Variants in TENM4 observed in about 807,000 individuals in gnomAD.
TENM4 encodes the protein teneurin-4.
Under a neutral mutation model 243.3 loss-of-function variants are expected in TENM4, and 82 were observed. The observed-to-expected ratio is 0.34, with a 90% CI of 0.28 to 0.40. The LOEUF (loss-of-function observed/expected upper bound fraction) is 0.40. Among genes scored for constraint, TENM4 ranks in the 10% least tolerant of loss-of-function variants. TENM4 has a pLI of 1.00. For missense variants in TENM4, 3,138 were observed against 3,673.3 expected (o/e 0.85, Z 3.77); for synonymous variants, 1,412 against 1,456.3 (o/e 0.97, Z 0.69).
intron 6 of TENM4, among the ~76,000 whole-genome samples, chr11:78,995,033 G>C (rs1407408501): frequency 1.3e-5 from 2 of 152,210 alleles, no homozygotes; most frequent in African/African-American, 4.8e-5. Flanking sequence ...TAGTGAGTGA[G>C]GTGACAAAGT....
chr11:78,664,531 A>T (rs1352084848), intron 32 of TENM4, among the ~76,000 whole-genome samples: 1 of 152,134 alleles, frequency 6.6e-6, no homozygotes, highest in East Asian at 1.9e-4. Context: ...GGCAGATTTA[A>T]TGTGTTTTGA....
rs575922225 is a variant in TENM4 at position 79,388,564 on chromosome 11, C to T, written c.-321+51945G>A. Among the ~76,000 whole-genome samples the T allele has an allele frequency of 1.3e-4, 20 of 152,240 alleles. No individual in the cohort carries two copies. The South Asian group carries it at 3.3e-3, about 25-fold the overall frequency. On this transcript the variant is annotated intron_variant, in intron 1 of 33. Coordinates refer to ENST00000278550, the MANE Select transcript of TENM4 (RefSeq NM_001098816.3). The stretch of plus-strand genomic sequence containing the variant: ...CCCCACTAGATCTGGCTCCTTTGGG[C>T]GTAAGAGTGGGGCCTCGTGCACACA...
At chr11:79,114,516 T>C (rs1565209470) in intron 4 of TENM4, among the ~76,000 whole-genome samples, 2 of 152,196 alleles carry the variant, frequency 1.3e-5, no homozygotes, top group South Asian at 4.1e-4. Context: ...TGACAAAATA[T>C]AAATCTGGAG....
intron 1 of TENM4, among the ~76,000 whole-genome samples, chr11:79,347,380 A>G (rs1191556162): frequency 6.6e-6 from 1 of 152,150 alleles, no homozygotes; most frequent in East Asian, 1.9e-4. Flanking sequence ...AGGAACTCCT[A>G]ATAGGCCATG....
intron 23 of TENM4, among the ~76,000 whole-genome samples, chr11:78,724,377 C>T (rs1012056498): frequency 6.6e-6 from 1 of 152,238 alleles, no homozygotes; most frequent in Non-Finnish European, 1.5e-5. Context: ...TAGGCATGAG[C>T]CACGGTGCCT....
intron 3 of TENM4, among the ~76,000 whole-genome samples, chr11:79,205,480 C>T (rs1208293313): frequency 6.6e-6 from 1 of 152,234 alleles, no homozygotes; most frequent in Non-Finnish European, 1.5e-5. Context: ...GCATCCCTTC[C>T]ACCCCCAGCC....
chr11:79,048,921 C>G (rs1444031688), intron 6 of TENM4, among the ~76,000 whole-genome samples: 1 of 152,164 alleles, frequency 6.6e-6, no homozygotes, highest in Non-Finnish European at 1.5e-5. Flanking sequence ...TGCTTAGAAC[C>G]TCAGGGGACC....
intron 4 of TENM4, among the ~76,000 whole-genome samples, chr11:79,145,017 C>T (rs1862371376): frequency 6.6e-6 from 1 of 151,818 alleles, no homozygotes; most frequent in East Asian, 1.9e-4. Context: ...GCATTGTATG[C>T]CTGTATCAAA....
At chr11:79,377,531 C>G (rs554414985) in intron 1 of TENM4, among the ~76,000 whole-genome samples, 2 of 152,310 alleles carry the variant, frequency 1.3e-5, no homozygotes, top group Non-Finnish European at 2.9e-5. Context: ...CAGTTCGCAC[C>G]TGCAGAGTGG....
chr11:78,996,561 G>A (rs1053281236), intron 6 of TENM4, among the ~76,000 whole-genome samples: 4 of 152,192 alleles, frequency 2.6e-5, no homozygotes, highest in African/African-American at 4.8e-5. Context: ...TTTTAGGATA[G>A]TTTGTTACAC....
chr11:79,164,957 A>ATATGTG lies in TENM4; in HGVS notation c.-162-16152_-162-16151insCACATA, dbSNP rs1555020448. ...GAAAATGGACTAATACTATATATAT[A>ATATGTG]TGTGTGTGTGTGTGTGTGTGTGTGT... On this transcript the variant is annotated intron_variant, in intron 3 of 33. Coordinates refer to ENST00000278550, the MANE Select transcript of TENM4 (RefSeq NM_001098816.3). Among the ~76,000 whole-genome samples, 927 of 139,890 alleles carry ATATGTG rather than the reference A, an allele frequency of 6.6e-3. 5 individuals carry two copies. The highest frequency in any genetic ancestry group is 0.018 in the Middle Eastern group (5 of 278). 91.8% of individuals were successfully genotyped at this position (139,890 alleles called of 152,430 possible). A position where few individuals can be genotyped will look rare whatever the true frequency, so the allele number is the denominator to read the frequency against.
intron 1 of TENM4, among the ~76,000 whole-genome samples, chr11:79,393,670 G>A (rs1012692884): frequency 6.6e-6 from 1 of 152,226 alleles, no homozygotes; most frequent in Non-Finnish European, 1.5e-5. Context: ...GCAGAGGCGG[G>A]CACTCCACGA....
chr11:79,108,966 C>T (rs897388803), intron 4 of TENM4, among the ~76,000 whole-genome samples: 3 of 152,120 alleles, frequency 2.0e-5, no homozygotes, highest in Non-Finnish European at 2.9e-5. Context: ...AAACACCCAC[C>T]GCTTGAAATT....
chr11:79,358,532 A>G (rs892979026), intron 1 of TENM4, among the ~76,000 whole-genome samples: 2 of 152,146 alleles, frequency 1.3e-5, no homozygotes, highest in African/African-American at 4.8e-5. Flanking sequence ...CAGAGTACCA[A>G]ATTATGCCTT....
In TENM4 at chr11:79,323,065, A is replaced by G. The variant is rs528598306; in HGVS notation, c.-320-25522T>C. Among the ~76,000 whole-genome samples, 3 of 152,336 alleles carry G rather than the reference A, an allele frequency of 2.0e-5. No homozygotes were observed. The South Asian group carries it at 6.2e-4, about 32-fold the overall frequency. ...CACTGTGCTGTAATCATGGGCACTC[A>G]CAGTAGATACTTTGTCATAATGACC... On this transcript the variant is annotated intron_variant, in intron 1 of 33. Transcript: ENST00000278550.
At chr11:78,714,782 C>T (rs932055417) in intron 25 of TENM4, among the ~76,000 whole-genome samples, 2 of 152,056 alleles carry the variant, frequency 1.3e-5, no homozygotes, top group African/African-American at 2.4e-5. Context: ...CAGTGTGCCC[C>T]GCCCCTCCCT....
chr11:78,736,288 T>C (rs1855790736), intron 20 of TENM4, among the ~76,000 whole-genome samples: 2 of 152,180 alleles, frequency 1.3e-5, no homozygotes. Context: ...CAATTTTTAA[T>C]TCAATGAGCC....
At chr11:78,890,534 T>C (rs886584577) in intron 8 of TENM4, among the ~76,000 whole-genome samples, 1 of 152,200 alleles carries the variant, frequency 6.6e-6, no homozygotes, top group East Asian at 1.9e-4. Context: ...GGGGTTTTAT[T>C]GGTGTTGAAG....
chr11:78,974,460 C>A (rs1857607589), intron 6 of TENM4, among the ~76,000 whole-genome samples: 1 of 152,090 alleles, frequency 6.6e-6, no homozygotes, highest in African/African-American at 2.4e-5. Context: ...GGGCTCCAAC[C>A]CAGGAGACAG....
Sources: allele counts gnomAD v4.1 joint callset (sites outside exome capture counted in the v4.1 genomes callset), GRCh38; gene constraint gnomAD v4.1.1; transcripts MANE v1.5; gene names NCBI Gene and HGNC (gene_info 2026-07-23, HGNC 2026-07-21).